AHCY: variants seen among roughly 807,000 people sequenced by gnomAD.
AHCY encodes the protein adenosylhomocysteinase, also known as S-adenosyl-L-homocysteine hydrolase.
A neutral mutation model predicts 45.4 loss-of-function variants in AHCY; 24 were observed. That is an observed-to-expected ratio of 0.53 (90% CI 0.38 to 0.74). AHCY has a LOEUF of 0.74. Ranked by LOEUF, AHCY falls within the 30% of genes least tolerant of loss-of-function variation. The pLI, the probability that AHCY is intolerant of heterozygous loss-of-function variation, is 0.00. For missense variants in AHCY, 449 were observed against 594.1 expected, an observed-to-expected ratio of 0.76 and a Z score of 2.54; for synonymous variants, 245 against 235.1, an observed-to-expected ratio of 1.04 and a Z score of -0.39.
At chr20:34,304,896 C>G (rs1341555102), upstream of AHCY, among the ~76,000 whole-genome samples, 1 of 151,830 alleles carries the variant, frequency 6.6e-6, no homozygotes, top group Non-Finnish European at 1.5e-5. Context: ...CCATATTGGT[C>G]AGGCTAATCT....
intron 1 of AHCY, chr20:34,301,945 A>T: frequency 1.0e-6 from 1 of 985,422 alleles, no homozygotes; most frequent in Non-Finnish European, 1.2e-6. Context: ...CCAGATATAC[A>T]GCAAGTGTTT....
At chr20:34,307,967 A>G (rs2036913072), upstream of AHCY, among the ~76,000 whole-genome samples, 1 of 151,674 alleles carries the variant, frequency 6.6e-6, no homozygotes. Context: ...CATCCCTCAA[A>G]TAGGGCCCAT....
the AHCY span, among the ~76,000 whole-genome samples, chr20:34,241,781 C>T: frequency 6.6e-6 from 1 of 152,116 alleles, no homozygotes; most frequent in Non-Finnish European, 1.5e-5. Flanking sequence ...TCCTAAATAT[C>T]GACCCTGACC....
chr20:34,309,209 C>T (rs2122852633), intron 1 of AHCY, among the ~76,000 whole-genome samples: 1 of 152,166 alleles, frequency 6.6e-6, no homozygotes, highest in South Asian at 2.1e-4. Context: ...ATCCACCTGC[C>T]TTGGCCTCCC....
At chr20:34,279,109 C>CAA (rs11467322), downstream of AHCY, among the ~76,000 whole-genome samples, 27 of 55,608 alleles carry the variant, frequency 4.9e-4, no homozygotes, top group African/African-American at 6.0e-4. Context: ...GACTCCGTCT[C>CAA]AAAAAAAAAA....
At chr20:34,266,800 A>G in the AHCY span, among the ~76,000 whole-genome samples, 1 of 152,242 alleles carries the variant, frequency 6.6e-6, no homozygotes, top group Non-Finnish European at 1.5e-5. Context: ...TTTTTATTGT[A>G]TAATTCAGGA....
At chr20:34,243,667 A>G in the AHCY span, among the ~76,000 whole-genome samples, 9 of 152,070 alleles carry the variant, frequency 5.9e-5, no homozygotes, top group Admixed American at 5.9e-4. Flanking sequence ...CTCCACCAGT[A>G]ATTCTATTTA....
upstream of AHCY, among the ~76,000 whole-genome samples, chr20:34,308,320 G>A (rs576127064): frequency 3.9e-3 from 596 of 152,312 alleles, 1 homozygote; most frequent in Non-Finnish European, 6.3e-3. Context: ...GGAGGCCAAG[G>A]CAGGTGGATC....
At chr20:34,235,867 A>AGC in the AHCY span, among the ~76,000 whole-genome samples, 6 of 27,056 alleles carry the variant, frequency 2.2e-4, no homozygotes, top group African/African-American at 2.5e-3. Context: ...GAAGGAAGGA[A>AGC]AGGAAGGAAG....
At chr20:34,260,395 C>G in the AHCY span, 5 of 1,613,916 alleles carry the variant, frequency 3.1e-6, no homozygotes, top group Admixed American at 3.3e-5. Flanking sequence ...CCCGCTTACT[C>G]CTGGCCACCC....
chr20:34,243,800 C>T, the AHCY span, among the ~76,000 whole-genome samples: 3 of 150,010 alleles, frequency 2.0e-5, no homozygotes, highest in Non-Finnish European at 4.4e-5. Context: ...CGCGGTGGCT[C>T]ACGCCTGTAA....
chr20:34,251,109 C>T, the AHCY span, among the ~76,000 whole-genome samples: 3 of 152,212 alleles, frequency 2.0e-5, no homozygotes, highest in Admixed American at 1.3e-4. Flanking sequence ...GAGGAACACA[C>T]TCACTGCTAT....
the AHCY span, chr20:34,250,104 A>T: frequency 1.3e-5 from 2 of 152,026 alleles, no homozygotes; most frequent in African/African-American, 2.4e-5. Context: ...TTTACCAAGA[A>T]CCCCCAGGTC....
chr20:34,235,295 C>A, the AHCY span, among the ~76,000 whole-genome samples: 1 of 152,092 alleles, frequency 6.6e-6, no homozygotes, highest in Non-Finnish European at 1.5e-5. Flanking sequence ...CAAAAATTAG[C>A]CAGGCGAGGT....
At chr20:34,302,532 A>G in intron 1 of AHCY, 3 of 853,672 alleles carry the variant, frequency 3.5e-6, no homozygotes, top group Non-Finnish European at 4.2e-6. Flanking sequence ...GTTTCCCTAT[A>G]GAGCCATGAG....
the AHCY span, among the ~76,000 whole-genome samples, chr20:34,264,145 T>C: frequency 6.6e-6 from 1 of 152,292 alleles, no homozygotes; most frequent in East Asian, 1.9e-4. Context: ...AAATCTATTA[T>C]AAAAAATTAA....
At chr20:34,256,343 G>A in the AHCY span, among the ~76,000 whole-genome samples, 9 of 152,084 alleles carry the variant, frequency 5.9e-5, no homozygotes, top group African/African-American at 1.9e-4. Flanking sequence ...GTGGTCCCCC[G>A]GACCCAGCTG....
At chr20:34,269,015 G>A in the AHCY span, 2 of 1,607,986 alleles carry the variant, frequency 1.2e-6, no homozygotes, top group Non-Finnish European at 8.5e-7. Context: ...GAAGAAAGTG[G>A]TGCGGCCCCG....
At chr20:34,275,379 G>C (rs1427935557), downstream of AHCY, among the ~76,000 whole-genome samples, 1 of 151,784 alleles carries the variant, frequency 6.6e-6, no homozygotes, top group East Asian at 2.0e-4. Flanking sequence ...TGATCTGCCT[G>C]CCTCGGCCTC....
Sources: gnomAD v4.1 joint callset for allele counts (sites outside exome capture counted in the v4.1 genomes callset) on GRCh38, gnomAD v4.1.1 for gene constraint, MANE v1.5 for transcripts, NCBI Gene and HGNC (gene_info 2026-07-23, HGNC 2026-07-21) for gene names.